TMC7: variants seen among roughly 807,000 people sequenced by gnomAD.
The protein encoded by TMC7 is transmembrane channel-like protein 7.
In TMC7, 54 loss-of-function variants were observed where a neutral mutation model predicts 82.9. The observed-to-expected ratio is 0.65, with a 90% CI of 0.52 to 0.82. The LOEUF (loss-of-function observed/expected upper bound fraction) is 0.82, where lower values mean the gene tolerates loss of function less well. Ranked by LOEUF, TMC7 falls within the 40% of genes least tolerant of loss-of-function variation. TMC7 has a pLI of 0.00. For missense variants in TMC7, 820 were observed against 901.2 expected, an observed-to-expected ratio of 0.91 and a Z score of 1.15; for synonymous variants, 350 against 337.9, an observed-to-expected ratio of 1.04 and a Z score of -0.39.
At chr16:19,049,177 C>A (rs113756254) in intron 12 of TMC7, among the ~76,000 whole-genome samples, 16,738 of 152,110 alleles carry the variant, frequency 0.11, 1,230 homozygotes, top group Middle Eastern at 0.22. Flanking sequence ...GCATGCGCCA[C>A]CGTGCCAAGC....
At chr16:18,984,241 C>A in intron 1 of TMC7, 111 bp downstream of exon 1, 1 of 1,344,894 alleles carries the variant, frequency 7.4e-7, no homozygotes, top group Non-Finnish European at 9.5e-7. Context: ...CCACCCCCGA[C>A]GCCGGGTGCT....
chr16:19,037,324 G>T (rs1218304468), intron 7 of TMC7, among the ~76,000 whole-genome samples: 1 of 147,360 alleles, frequency 6.8e-6, no homozygotes, highest in African/African-American at 2.5e-5. Context: ...GGAGTCAGAG[G>T]TTGCAGTGAG....
chr16:19,060,940 T>G (rs1392355857), intron 15 of TMC7, among the ~76,000 whole-genome samples: 1 of 149,248 alleles, frequency 6.7e-6, no homozygotes, highest in Non-Finnish European at 1.5e-5. Flanking sequence ...GCACCCACCA[T>G]CACAACCGGC....
chr16:19,039,982 G>T (rs2041931415), intron 8 of TMC7, among the ~76,000 whole-genome samples: 1 of 151,622 alleles, frequency 6.6e-6, no homozygotes, highest in Admixed American at 6.6e-5. Flanking sequence ...CTGGCATGGT[G>T]GGGGGTGCCT....
At chr16:19,011,589 T>A (rs1959351832) in intron 2 of TMC7, among the ~76,000 whole-genome samples, 1 of 151,904 alleles carries the variant, frequency 6.6e-6, no homozygotes, top group Non-Finnish European at 1.5e-5. Flanking sequence ...TGGTGATGTG[T>A]GCCTATAGTC....
At position 19,047,030 on chromosome 16, in the gene TMC7, C is replaced by G. The variant is rs745488666; in HGVS notation, c.1554-33C>G. The G allele has an allele frequency of 7.0e-6, 11 of 1,569,078 alleles. No individual in the cohort carries two copies. The African/African-American group carries it at 1.4e-4, about 19-fold the overall frequency. ...TATGGTTCTGTGGCCTTGGCAGACA[C>G]CAGTAGCCCAAATGAGAATTGTCTG... On this transcript the variant is annotated intron_variant, in intron 11 of 15. Coordinates refer to ENST00000304381, the MANE Select transcript of TMC7 (RefSeq NM_024847.4).
At chr16:18,985,256 CAA>C (rs5816022) in intron 1 of TMC7, among the ~76,000 whole-genome samples, 3 of 134,304 alleles carry the variant, frequency 2.2e-5, no homozygotes, top group African/African-American at 3.0e-5. Context: ...AAGACTGTTT[CAA>C]AAAAAAAAAA....
intron 8 of TMC7, among the ~76,000 whole-genome samples, chr16:19,038,756 G>C (rs1202881117): frequency 2.0e-5 from 3 of 152,092 alleles, no homozygotes; most frequent in Non-Finnish European, 4.4e-5. Context: ...GACCTCAAGA[G>C]ATCCACCCAC....
At chr16:19,028,929 C>T (rs978285290) in intron 5 of TMC7, among the ~76,000 whole-genome samples, 2 of 151,812 alleles carry the variant, frequency 1.3e-5, no homozygotes, top group African/African-American at 4.8e-5. Flanking sequence ...TCTGGGATTA[C>T]AGGCATGAGC....
Position 19,063,933 on chromosome 16 carries a change from G to A in TMC7, c.*2090G>A, listed in dbSNP as rs1040148363. 1.3e-5 allele frequency: 2 copies of A among 152,128 alleles called. No individual in the cohort carries two copies. Among genetic ancestry groups the A allele is most frequent in the Non-Finnish European group, 2.9e-5 (2 of 68,034 alleles). 9.4% of individuals were successfully genotyped at this position (152,128 alleles called of 1,614,324 possible). On this transcript the variant is annotated 3_prime_UTR_variant, in exon 16 of 16. Coordinates refer to ENST00000304381, the MANE Select transcript of TMC7 (RefSeq NM_024847.4). ...ACTCCTGATTAAACGGCGTCTTGAA[G>A]GTTTTAAAATGTGATCGTGTATACT...
Position 19,038,027 on chromosome 16 carries a change from T to A in TMC7, c.1159T>A (p.Ser387Thr). 1 of 1,613,648 alleles carries A rather than the reference T, an allele frequency of 6.2e-7. No homozygotes were observed. ...FYAIYVATVF[S>T]QEHMKKEIDK... is the part of the protein sequence containing the mutation. ...TGCAATATACGTAGCAACTGTCTTCTCGCAAGAGCACATGAAAAAGGTAAA... is the reference window on the plus strand; with the variant it reads ...TGCAATATACGTAGCAACTGTCTTCACGCAAGAGCACATGAAAAAGGTAAA... Residue 387 changes from serine (S) to threonine (T), a missense_variant, in exon 8 of 16, where the codon TCG (serine) becomes ACG (threonine). This residue lies in a region of TMC7 where 650 missense variants were observed against 669.9 expected (regional missense o/e 0.97). Coordinates refer to ENST00000304381, the MANE Select transcript of TMC7 (RefSeq NM_024847.4).
intron 1 of TMC7, among the ~76,000 whole-genome samples, chr16:18,987,152 T>C (rs917050258): frequency 2.0e-5 from 3 of 152,140 alleles, no homozygotes; most frequent in Admixed American, 1.3e-4. Flanking sequence ...TCAAATGTCA[T>C]GTCAGAGAGG....
chr16:19,013,424 T>A (rs1013311725), intron 2 of TMC7, among the ~76,000 whole-genome samples: 2 of 151,366 alleles, frequency 1.3e-5, no homozygotes, highest in African/African-American at 4.9e-5. Context: ...TCCATGTTGG[T>A]CAGGCTGGTC....
chr16:19,053,543 A>G (rs12448931), intron 13 of TMC7, among the ~76,000 whole-genome samples: 79,899 of 151,566 alleles, frequency 0.53, 23,334 homozygotes, highest in East Asian at 0.81. Flanking sequence ...AGCTGGGATT[A>G]CAGGCATGTG....
At chr16:19,023,726 C>T (rs1254407015) in intron 5 of TMC7, among the ~76,000 whole-genome samples, 1 of 152,196 alleles carries the variant, frequency 6.6e-6, no homozygotes, top group Non-Finnish European at 1.5e-5. Flanking sequence ...GGGTTATAGG[C>T]GTGAGCCACC....
At chr16:18,985,823 C>T (rs1419295596) in intron 1 of TMC7, among the ~76,000 whole-genome samples, 4 of 138,830 alleles carry the variant, frequency 2.9e-5, no homozygotes, top group East Asian at 2.5e-4. Context: ...TAGGACAGTC[C>T]GTGGGGTGGG....
At chr16:19,044,175 T>TTTTG (rs530969338) in intron 9 of TMC7, among the ~76,000 whole-genome samples, 58 of 152,054 alleles carry the variant, frequency 3.8e-4, no homozygotes, top group African/African-American at 1.3e-3. Flanking sequence ...ACATTGGTTT[T>TTTTG]TTTGTTTGTT....
At chr16:19,010,865 T>C (rs1959294903) in intron 2 of TMC7, among the ~76,000 whole-genome samples, 1 of 152,150 alleles carries the variant, frequency 6.6e-6, no homozygotes, top group Non-Finnish European at 1.5e-5. Flanking sequence ...AGCTCGGGTT[T>C]GTTTGCATGG....
At chr16:18,989,705 A>C (rs2038915199) in intron 1 of TMC7, among the ~76,000 whole-genome samples, 1 of 151,530 alleles carries the variant, frequency 6.6e-6, no homozygotes, top group Non-Finnish European at 1.5e-5. Context: ...TAAAGGGACA[A>C]ATAGGATTAC....
Sources: gnomAD v4.1 joint callset for allele counts (sites outside exome capture counted in the v4.1 genomes callset) on GRCh38, gnomAD v4.1.1 for gene constraint, gnomAD v4.1.1 regional missense constraint, MANE v1.5 for transcripts, NCBI Gene and HGNC (gene_info 2026-07-23, HGNC 2026-07-21) for gene names.